The following ARHGAP42 variants were observed in gnomAD, a reference collection of about 807,000 sequenced individuals.
ARHGAP42 encodes rho GTPase-activating protein 42.
Under a neutral mutation model 125.0 loss-of-function variants are expected in ARHGAP42, and 63 were observed. The observed-to-expected ratio is 0.50, with a 90% confidence interval of 0.41 to 0.62. The LOEUF (loss-of-function observed/expected upper bound fraction) is 0.62. ARHGAP42 is among the 20% of genes least tolerant of loss of function. The pLI is 0.00. For missense variants in ARHGAP42, 766 were observed against 1,024.2 expected, an observed-to-expected ratio of 0.75 and a Z score of 3.44; for synonymous variants, 339 against 351.0, an observed-to-expected ratio of 0.97 and a Z score of 0.38.
At chr11:100,907,050 T>C (rs945632179) in intron 4 of ARHGAP42, among the ~76,000 whole-genome samples, 1 of 152,212 alleles carries the variant, frequency 6.6e-6, no homozygotes, top group Admixed American at 6.5e-5. Context: ...TGTCCCTTAG[T>C]AGTGCAATGT....
rs963634205 is a variant in ARHGAP42, at chr11:100,783,248, G to T, written c.251-11857G>T. On this transcript the variant is annotated intron_variant, in intron 2 of 23. Transcript: ENST00000298815. ...CCCAGGAGTTCGAGACCAGCCTGGGGAATATGGGGAAACTCCATCTCTACT... is the reference window on the plus strand; with the variant it reads ...CCCAGGAGTTCGAGACCAGCCTGGGTAATATGGGGAAACTCCATCTCTACT... Among the ~76,000 whole-genome samples the T allele has an allele frequency of 2.6e-5, 4 of 152,032 alleles. No homozygotes were observed. The East Asian group carries it at 7.8e-4, about 29-fold the overall frequency.
chr11:100,981,299 C>T (rs1410553561), intron 22 of ARHGAP42, among the ~76,000 whole-genome samples: 4 of 152,190 alleles, frequency 2.6e-5, no homozygotes, highest in Non-Finnish European at 4.4e-5. Flanking sequence ...ACACTCAAGC[C>T]TCTGATTAAT....
At chr11:100,852,293 TA>T in intron 3 of ARHGAP42, among the ~76,000 whole-genome samples, 1 of 152,356 alleles carries the variant, frequency 6.6e-6, no homozygotes, top group Admixed American at 6.5e-5. Flanking sequence ...TAAATTATAT[TA>T]ACGTTCAGCT....
intron 6 of ARHGAP42, among the ~76,000 whole-genome samples, chr11:100,931,548 T>G (rs1867582825): frequency 6.6e-6 from 1 of 152,220 alleles, no homozygotes; most frequent in Non-Finnish European, 1.5e-5. Context: ...AATTAACTTT[T>G]ATACTGATGA....
At chr11:100,803,658 T>C (rs1402829525) in intron 3 of ARHGAP42, among the ~76,000 whole-genome samples, 1 of 152,148 alleles carries the variant, frequency 6.6e-6, no homozygotes. Flanking sequence ...GGACAGAAGG[T>C]CCAAATTATC....
intron 1 of ARHGAP42, among the ~76,000 whole-genome samples, chr11:100,746,958 T>C (rs1862320938): frequency 6.6e-6 from 1 of 152,140 alleles, no homozygotes; most frequent in African/African-American, 2.4e-5. Flanking sequence ...TGTCCATCCC[T>C]TTCCGCCATA....
chr11:100,804,346 G>T (rs1031653357), intron 3 of ARHGAP42, among the ~76,000 whole-genome samples: 1 of 151,612 alleles, frequency 6.6e-6, no homozygotes, highest in Non-Finnish European at 1.5e-5. Flanking sequence ...AGCTGTCTGG[G>T]TATTATTTTG....
intron 3 of ARHGAP42, among the ~76,000 whole-genome samples, chr11:100,858,086 G>GTGT (rs1555012560): frequency 3.7e-5 from 4 of 109,018 alleles, no homozygotes; most frequent in African/African-American, 1.2e-4. Context: ...TCTGGATAGG[G>GTGT]GTGTGTGTGT....
At chr11:100,738,989 G>GA (rs1591139818) in intron 1 of ARHGAP42, among the ~76,000 whole-genome samples, 2 of 152,238 alleles carry the variant, frequency 1.3e-5, no homozygotes, top group South Asian at 4.1e-4. Context: ...CAGAACTTAG[G>GA]AAAAAAGCTG....
chr11:100,688,978 T>G (rs1861140257), intron 1 of ARHGAP42, among the ~76,000 whole-genome samples: 1 of 152,140 alleles, frequency 6.6e-6, no homozygotes, highest in Admixed American at 6.5e-5. Context: ...CGCCTAAAAC[T>G]GAGACAATAC....
chr11:100,903,708 A>AT (rs2135214980), intron 4 of ARHGAP42, among the ~76,000 whole-genome samples: 1 of 61,224 alleles, frequency 1.6e-5, no homozygotes. Flanking sequence ...ATGTCCCTCA[A>AT]AATATATATA....
chr11:100,702,111 C>G (rs1861407530), intron 1 of ARHGAP42, among the ~76,000 whole-genome samples: 1 of 151,032 alleles, frequency 6.6e-6, no homozygotes, highest in Non-Finnish European at 1.5e-5. Context: ...ATAGCAAGAC[C>G]CTGTCTCAAA....
chr11:100,818,806 A>G (rs1864334623), intron 3 of ARHGAP42, among the ~76,000 whole-genome samples: 2 of 152,102 alleles, frequency 1.3e-5, no homozygotes, highest in Non-Finnish European at 2.9e-5. Context: ...GGAAGCTGTC[A>G]TCTGGTGATA....
chr11:100,750,937 T>G (rs1426276984), intron 1 of ARHGAP42, among the ~76,000 whole-genome samples: 1 of 63,906 alleles, frequency 1.6e-5, no homozygotes, highest in Non-Finnish European at 3.5e-5. Context: ...TGATGTATAC[T>G]TTTTTTTTTT....
rs1183957353 is a variant in ARHGAP42, at chr11:100,795,094, T to C, written c.251-11T>C. 3 of 1,535,792 alleles carry C rather than the reference T, an allele frequency of 2.0e-6. No homozygotes were observed. The African/African-American group carries it at 4.2e-5, about 21-fold the overall frequency. ...TATTAATTCTTTGCATTTTTTTATC[T>C]TTCCAAACAGCTCAGTCACTAAAAG... On this transcript the variant is annotated splice_polypyrimidine_tract_variant and intron_variant, in intron 2 of 23. Transcript: ENST00000298815.
At chr11:100,921,731 A>G in intron 6 of ARHGAP42, 127 bp downstream of exon 6, 1 of 616,900 alleles carries the variant, frequency 1.6e-6, no homozygotes, top group Non-Finnish European at 2.7e-6. Flanking sequence ...GGGGAGTGGG[A>G]AGGGATGAAA....
intron 2 of ARHGAP42, among the ~76,000 whole-genome samples, chr11:100,779,909 T>C (rs1295176742): frequency 6.6e-6 from 1 of 151,170 alleles, no homozygotes; most frequent in African/African-American, 2.4e-5. Flanking sequence ...GCCTGTTGTC[T>C]CAGCTACTCG....
intron 1 of ARHGAP42, among the ~76,000 whole-genome samples, chr11:100,725,064 C>G (rs981601558): frequency 2.6e-5 from 4 of 151,938 alleles, no homozygotes; most frequent in African/African-American, 9.7e-5. Context: ...GAGATTTCTA[C>G]GACCTGTATG....
rs536607841 is a variant in ARHGAP42 at position 100,883,690 on chromosome 11, T to C, written c.384+24065T>C. Among the ~76,000 whole-genome samples, 8 of 152,332 alleles carry C rather than the reference T, an allele frequency of 5.3e-5. No homozygotes were observed. The South Asian group carries it at 1.7e-3, about 32-fold the overall frequency. The stretch of plus-strand genomic sequence containing the variant: ...ATTGTTATATAAAATATCTGTTGTC[T>C]TATTAATTGTAAAATTCTGAAAACT... On this transcript the variant is annotated intron_variant, in intron 4 of 23. Transcript: ENST00000298815.
Sources: allele counts gnomAD v4.1 joint callset (sites outside exome capture counted in the v4.1 genomes callset), GRCh38; gene constraint gnomAD v4.1.1; transcripts MANE v1.5; gene names NCBI Gene and HGNC (gene_info 2026-07-23, HGNC 2026-07-21).